STEAP1B: variants seen among roughly 807,000 people sequenced by gnomAD.
STEAP1B encodes STEAP family protein MGC87042.
In STEAP1B, 13 loss-of-function variants were observed where a neutral mutation model predicts 27.9. The ratio of observed to expected loss-of-function variants is 0.47; its 90% CI spans 0.30 to 0.74. The LOEUF (loss-of-function observed/expected upper bound fraction) is 0.74. STEAP1B is among the 30% of genes least tolerant of loss of function. The pLI, the probability that STEAP1B is intolerant of heterozygous loss-of-function variation, is 0.06. For missense variants in STEAP1B, 250 were observed against 298.7 expected (o/e 0.84, Z 1.20); for synonymous variants, 86 against 107.1 (o/e 0.80, Z 1.22).
intron 4 of STEAP1B, among the ~76,000 whole-genome samples, chr7:22,463,947 T>C (rs1785725333): frequency 1.3e-5 from 2 of 151,672 alleles, no homozygotes; most frequent in African/African-American, 4.8e-5. Flanking sequence ...AAAGCCAAAA[T>C]TGACAAATGG....
chr7:22,420,581 T>C (rs1785032268), intron 4 of STEAP1B, among the ~76,000 whole-genome samples: 1 of 152,216 alleles, frequency 6.6e-6, no homozygotes, highest in Non-Finnish European at 1.5e-5. Context: ...AGCTGGTTAT[T>C]AAAACTTTCC....
chr7:22,454,828 T>TAA, intron 4 of STEAP1B, among the ~76,000 whole-genome samples: 1 of 9,358 alleles, frequency 1.1e-4, no homozygotes, highest in Non-Finnish European at 2.0e-4. Context: ...AAGAAAATAT[T>TAA]ATATATATAT....
chr7:22,470,550 C>T (rs1208053076), intron 4 of STEAP1B, among the ~76,000 whole-genome samples: 5 of 152,090 alleles, frequency 3.3e-5, no homozygotes, highest in Admixed American at 3.3e-4. Flanking sequence ...GTGGCCGTAT[C>T]ACTTGAGGTC....
At chr7:22,482,617 A>G (rs1562582829) in intron 4 of STEAP1B, among the ~76,000 whole-genome samples, 2 of 152,192 alleles carry the variant, frequency 1.3e-5, no homozygotes, top group Non-Finnish European at 2.9e-5. Context: ...TCACTGGCCA[A>G]TCTGCCCCCC....
chr7:22,478,941 T>C (rs948112088), intron 4 of STEAP1B, among the ~76,000 whole-genome samples: 1 of 152,064 alleles, frequency 6.6e-6, no homozygotes, highest in Non-Finnish European at 1.5e-5. Context: ...ACGGTGCAAG[T>C]GGAGGTGCTC....
At chr7:22,452,295 T>G (rs1433302126) in intron 4 of STEAP1B, among the ~76,000 whole-genome samples, 1 of 152,082 alleles carries the variant, frequency 6.6e-6, no homozygotes, top group East Asian at 1.9e-4. Flanking sequence ...ACCACTGAAA[T>G]GAACGCTCCT....
chr7:22,448,537 G>T (rs1785440757), intron 4 of STEAP1B, among the ~76,000 whole-genome samples: 2 of 151,646 alleles, frequency 1.3e-5, no homozygotes, highest in South Asian at 2.1e-4. Context: ...TTTTTAATTT[G>T]CTATAATCTT....
At chr7:22,481,023 A>C (rs572636843) in intron 4 of STEAP1B, among the ~76,000 whole-genome samples, 1 of 152,328 alleles carries the variant, frequency 6.6e-6, no homozygotes, top group South Asian at 2.1e-4. Context: ...AGTGTTAAGC[A>C]CTCAATGTGC....
chr7:22,468,132 T>C (rs1241406910), intron 4 of STEAP1B, among the ~76,000 whole-genome samples: 1 of 152,194 alleles, frequency 6.6e-6, no homozygotes, highest in Non-Finnish European at 1.5e-5. Flanking sequence ...AAATTTCAGA[T>C]AAATCTTTTA....
At chr7:22,442,862 C>T (rs918578999) in intron 4 of STEAP1B, among the ~76,000 whole-genome samples, 3 of 152,102 alleles carry the variant, frequency 2.0e-5, no homozygotes, top group African/African-American at 7.2e-5. Context: ...GACACATTTG[C>T]CCCCTGGATG....
rs374169742 is a variant in STEAP1B at position 22,439,719 on chromosome 7, CT to C, written c.763-19884del. Among the ~76,000 whole-genome samples, 917 of 152,268 alleles carry C rather than the reference CT, an allele frequency of 6.0e-3. 6 individuals are homozygous for C. The highest frequency in any genetic ancestry group is 0.021 in the African/African-American group (865 of 41,544). On this transcript the variant is annotated intron_variant, in intron 4 of 4. Transcript: ENST00000678116. The stretch of plus-strand genomic sequence containing the variant: ...ATAATTCATAAATGTGTCCAATCCA[CT>C]GTGATTGATATTCCACTAAAGGAAA...
intron 4 of STEAP1B, among the ~76,000 whole-genome samples, chr7:22,459,681 G>T (rs947147921): frequency 6.6e-6 from 1 of 152,154 alleles, no homozygotes; most frequent in African/African-American, 2.4e-5. Context: ...CCAGTATTAT[G>T]TTGGGCCATT....
At chr7:22,458,719 T>C (rs556406879) in intron 4 of STEAP1B, among the ~76,000 whole-genome samples, 16 of 152,266 alleles carry the variant, frequency 1.1e-4, no homozygotes, top group African/African-American at 3.9e-4. Flanking sequence ...TTAGCTTTTC[T>C]AGGCTGTAAA....
chr7:22,440,815 G>A (rs1785321812), intron 4 of STEAP1B, among the ~76,000 whole-genome samples: 1 of 151,842 alleles, frequency 6.6e-6, no homozygotes, highest in Admixed American at 6.6e-5. Context: ...GTGACATACT[G>A]CATTACAGGT....
intron 4 of STEAP1B, among the ~76,000 whole-genome samples, chr7:22,461,363 A>G (rs1386390760): frequency 1.3e-5 from 2 of 152,112 alleles, no homozygotes; most frequent in Non-Finnish European, 2.9e-5. Context: ...CCCGGGTTCA[A>G]GCGATTCTCC....
At chr7:22,435,635 CAT>C (rs1248319053) in intron 4 of STEAP1B, among the ~76,000 whole-genome samples, 2 of 152,270 alleles carry the variant, frequency 1.3e-5, no homozygotes, top group Admixed American at 1.3e-4. Context: ...AATGCATACA[CAT>C]AAAATCGTGA....
chr7:22,483,206 T>C (rs1162336002), intron 4 of STEAP1B, among the ~76,000 whole-genome samples: 1 of 151,628 alleles, frequency 6.6e-6, no homozygotes, highest in East Asian at 1.9e-4. Context: ...ACACTGAGGA[T>C]ACAGGACAAA....
intron 4 of STEAP1B, among the ~76,000 whole-genome samples, chr7:22,450,210 A>G (rs755650562): frequency 4.8e-5 from 7 of 146,624 alleles, no homozygotes; most frequent in Non-Finnish European, 8.8e-5. Context: ...GTGGAGTATC[A>G]CTCAAGTGCT....
chr7:22,438,326 C>T, intron 4 of STEAP1B: 1 of 842,072 alleles, frequency 1.2e-6, no homozygotes, highest in Non-Finnish European at 1.8e-6. Context: ...ACTTGTCCCA[C>T]ATGTTTTATT....
Sources: gnomAD v4.1 joint callset for allele counts (sites outside exome capture counted in the v4.1 genomes callset) on GRCh38, gnomAD v4.1.1 for gene constraint, MANE v1.5 for transcripts, NCBI Gene and HGNC (gene_info 2026-07-23, HGNC 2026-07-21) for gene names.